The following ALS2 variants were observed in gnomAD, a reference collection of about 807,000 sequenced individuals.
The protein encoded by ALS2 is alsin Rho guanine nucleotide exchange factor ALS2.
A neutral mutation model predicts 203.4 loss-of-function variants in ALS2; 117 were observed. The ratio of observed to expected loss-of-function variants is 0.58; its 90% CI spans 0.50 to 0.67. The LOEUF (loss-of-function observed/expected upper bound fraction) is 0.67, where lower values mean the gene tolerates loss of function less well. Among genes scored for constraint, ALS2 ranks in the 30% least tolerant of loss-of-function variants. ALS2 has a pLI of 0.00. For synonymous variants in ALS2, 718 were observed against 725.9 expected (o/e 0.99, Z 0.17); for missense variants, 1,715 against 1,989.4 (o/e 0.86, Z 2.62).
chr2:201,702,998 C>A (rs1689483259), intron 33 of ALS2, among the ~76,000 whole-genome samples: 5 of 152,076 alleles, frequency 3.3e-5, no homozygotes. Context: ...CACTTGTAAT[C>A]CCAACTACTT....
intron 4 of ALS2, chr2:201,759,407 A>C: frequency 3.1e-6 from 3 of 956,242 alleles, no homozygotes; most frequent in Non-Finnish European, 3.7e-6. Context: ...TGTATGATTG[A>C]GATGTTATTT....
chr2:201,704,364 A>G (rs1574653980), intron 32 of ALS2, 90 bp downstream of exon 32: 1 of 1,542,098 alleles, frequency 6.5e-7, no homozygotes, highest in Non-Finnish European at 9.0e-7. Flanking sequence ...TTCTAGTGGA[A>G]GAGCGTACTC....
intron 24 of ALS2, among the ~76,000 whole-genome samples, chr2:201,717,330 G>A (rs896273999): frequency 2.6e-5 from 4 of 151,908 alleles, no homozygotes; most frequent in Non-Finnish European, 5.9e-5. Flanking sequence ...GCCTGGCATG[G>A]TTGTGTGCAC....
In ALS2 at chr2:201,733,286, CAAG is replaced by C; in HGVS notation, c.2567_2569del (p.Thr856_Cys857delinsSer). ...TACATGGGAGCTTACCACTTCAAAA[CAAG>C]TAGCAAGCTTTAGCAAAACTTTTGC... On this transcript the variant is annotated inframe_deletion, in exon 13 of 34. Coordinates refer to ENST00000264276, the MANE Select transcript of ALS2 (RefSeq NM_020919.4). 1.2e-6 allele frequency: 2 copies of C among 1,613,766 alleles called. No individual in the cohort carries two copies. The highest frequency in any genetic ancestry group is 1.7e-4 in the Middle Eastern group (1 of 6,058).
intron 11 of ALS2, among the ~76,000 whole-genome samples, chr2:201,738,993 C>T (rs1363036560): frequency 6.6e-6 from 1 of 151,898 alleles, no homozygotes; most frequent in Non-Finnish European, 1.5e-5. Flanking sequence ...AATCCCAGCA[C>T]TTTGGGAGGC....
chr2:201,715,560 C>G, intron 25 of ALS2, 112 bp downstream of exon 25: 1 of 1,311,572 alleles, frequency 7.6e-7, no homozygotes, highest in Non-Finnish European at 1.1e-6. Flanking sequence ...TACTCAGAAG[C>G]GAAGTAAATC....
intron 3 of ALS2, among the ~76,000 whole-genome samples, chr2:201,763,784 G>A (rs1235566839): frequency 1.3e-5 from 2 of 152,286 alleles, no homozygotes; most frequent in East Asian, 1.9e-4. Flanking sequence ...TTTTACTGTA[G>A]TATTGTGGGA....
intron 15 of ALS2, 144 bp from the exon 16 acceptor site, chr2:201,727,919 T>C: frequency 2.4e-6 from 2 of 828,386 alleles, no homozygotes; most frequent in South Asian, 1.5e-5. Flanking sequence ...CCCATGTAGG[T>C]GCCACCAATT....
At chr2:201,705,836 C>T (rs890899688) in intron 29 of ALS2, among the ~76,000 whole-genome samples, 3 of 152,110 alleles carry the variant, frequency 2.0e-5, no homozygotes, top group Non-Finnish European at 2.9e-5. Flanking sequence ...GTAATCCCAG[C>T]TAGCTGGGAG....
intron 4 of ALS2, chr2:201,759,325 G>C (rs957182767): frequency 1.2e-6 from 1 of 865,096 alleles, no homozygotes; most frequent in Non-Finnish European, 1.4e-6. Flanking sequence ...TCCCAAGTGA[G>C]AGAGTCTCAG....
At chr2:201,717,098 T>C (rs1190030628) in intron 24 of ALS2, among the ~76,000 whole-genome samples, 3 of 152,090 alleles carry the variant, frequency 2.0e-5, no homozygotes, top group Non-Finnish European at 4.4e-5. Context: ...ATTTTACTAT[T>C]CCACTTGGGG....
At chr2:201,749,438 A>T (rs1291325023) in intron 8 of ALS2, among the ~76,000 whole-genome samples, 1 of 152,238 alleles carries the variant, frequency 6.6e-6, no homozygotes, top group Non-Finnish European at 1.5e-5. Context: ...CATGTTTTAA[A>T]AGAAAGCACT....
intron 13 of ALS2, among the ~76,000 whole-genome samples, chr2:201,732,635 C>A (rs1263287374): frequency 6.6e-6 from 1 of 152,110 alleles, no homozygotes; most frequent in Non-Finnish European, 1.5e-5. Flanking sequence ...TATAATTTTT[C>A]TAGAGCCTTT....
chr2:201,761,377 A>G lies in ALS2; in HGVS notation c.617T>C (p.Val206Ala). 6.2e-7 allele frequency: 1 copy of G among 1,612,594 alleles called. No individual in the cohort carries two copies. The highest frequency in any genetic ancestry group is 8.5e-7 in the Non-Finnish European group (1 of 1,178,668). ...EHLAGRVVLQVACGAFHSLAL... is the reference protein window; with the variant it reads ...EHLAGRVVLQAACGAFHSLAL... ...TAAGCTGTGGAAAGCACCACAGGCA[A>G]CTTGAAGCACCACTCGCCCAGCAAG... Residue 206 changes from valine (V) to alanine (A), a missense_variant, in exon 4 of 34, where the codon GTT becomes GCT. This residue lies in a region of ALS2 where 476 missense variants were observed against 539.3 expected (regional missense o/e 0.88). Transcript: ENST00000264276.
chr2:201,779,121 ACAGT>A (rs1483696229), intron 1 of ALS2, among the ~76,000 whole-genome samples: 5 of 152,186 alleles, frequency 3.3e-5, no homozygotes, highest in African/African-American at 4.8e-5. Flanking sequence ...TGCTTCTTTA[ACAGT>A]CAAAGTGCCC....
rs1400558191 is a variant in ALS2 at position 201,709,905 on chromosome 2, A to C, written c.4256T>G (p.Leu1419Arg). The C allele has an allele frequency of 1.9e-6, 3 of 1,614,042 alleles. No individual in the cohort carries two copies. The Admixed American group carries it at 5.0e-5, about 27-fold the overall frequency. ...CCTCACCAGCTGGAAAATTCGCTTA[A>C]GATAGGACTTAATCTCCTTTACAGC... ...QEAVKEIKSY[L>R]KRIFQLVRFL... Residue 1419 changes from leucine (L) to arginine (R), a missense_variant, in exon 27 of 34, where the codon CTT becomes CGT. By Grantham distance (102) the Leu-to-Arg change is moderately radical. This residue lies in a region of ALS2 where 1,227 missense variants were observed against 1,413.5 expected (regional missense o/e 0.87). Transcript: ENST00000264276.
In ALS2 at chr2:201,727,570, T is replaced by A. The variant is rs577839782; in HGVS notation, c.2912+135A>T. 8 of 783,816 alleles carry A rather than the reference T, an allele frequency of 1.0e-5. No individual in the cohort carries two copies. The South Asian group carries it at 1.3e-4, about 12-fold the overall frequency. The allele number at this position is 783,816 out of a possible 1,614,324, so 48.6% of individuals were successfully genotyped here. A position where few individuals can be genotyped will look rare whatever the true frequency, so the allele number is the denominator to read the frequency against. ...CAATAGACTACTTTACTGTCTAATGTGCTGAGAGGTGGGCCTCATTATACA... is the reference window on the plus strand; with the variant it reads ...CAATAGACTACTTTACTGTCTAATGAGCTGAGAGGTGGGCCTCATTATACA... On this transcript the variant is annotated intron_variant, in intron 16 of 33. Transcript: ENST00000264276.
chr2:201,735,482 C>T (rs1431065156), intron 12 of ALS2, among the ~76,000 whole-genome samples: 1 of 152,198 alleles, frequency 6.6e-6, no homozygotes, highest in African/African-American at 2.4e-5. Flanking sequence ...AGTGCTTGTG[C>T]ATCATCATCC....
intron 11 of ALS2, among the ~76,000 whole-genome samples, chr2:201,739,532 C>T (rs1692126918): frequency 6.6e-6 from 1 of 151,754 alleles, no homozygotes; most frequent in Non-Finnish European, 1.5e-5. Flanking sequence ...CACCTGAGGT[C>T]AGGAGTTCGA....
Sources: allele counts gnomAD v4.1 joint callset (sites outside exome capture counted in the v4.1 genomes callset), GRCh38; gene constraint gnomAD v4.1.1; regional missense constraint gnomAD v4.1.1; transcripts MANE v1.5; gene names NCBI Gene and HGNC (gene_info 2026-07-23, HGNC 2026-07-21).